IQCM: variants seen among roughly 807,000 people sequenced by gnomAD.
IQCM encodes IQ motif containing M.
Under a neutral mutation model 57.6 loss-of-function variants are expected in IQCM, and 45 were observed. The observed-to-expected ratio is 0.78, with a 90% CI of 0.62 to 1.00. IQCM has a LOEUF of 1.00. Ranked by LOEUF, IQCM falls within the 50% of genes least tolerant of loss-of-function variation. The pLI, the probability that IQCM is intolerant of heterozygous loss-of-function variation, is 0.00. For synonymous variants in IQCM, 148 were observed against 158.9 expected, an observed-to-expected ratio of 0.93 and a Z score of 0.51; for missense variants, 468 against 511.6, an observed-to-expected ratio of 0.91 and a Z score of 0.82.
intron 12 of IQCM, among the ~76,000 whole-genome samples, chr4:149,527,489 G>A (rs1281189381): frequency 6.6e-6 from 1 of 152,226 alleles, no homozygotes; most frequent in Non-Finnish European, 1.5e-5. Flanking sequence ...AAGTCAGGAA[G>A]AGAGTCCTCA....
chr4:149,478,619 G>A (rs927332243), intron 12 of IQCM, among the ~76,000 whole-genome samples: 2 of 152,124 alleles, frequency 1.3e-5, no homozygotes, highest in African/African-American at 4.8e-5. Context: ...TGGACTACCA[G>A]GAAACACACT....
At chr4:149,389,456 C>A (rs1321349536) in intron 13 of IQCM, among the ~76,000 whole-genome samples, 3 of 151,814 alleles carry the variant, frequency 2.0e-5, no homozygotes, top group African/African-American at 7.2e-5. Context: ...TTGGAACCAA[C>A]CCAAATGTCC....
rs141898067 is a variant in IQCM, at chr4:149,810,801, G to A, written c.-49+4510C>T. Among the ~76,000 whole-genome samples the A allele has an allele frequency of 8.6e-4, 131 of 152,182 alleles. 2 individuals are homozygous for A. The East Asian group carries it at 0.02, about 23-fold the overall frequency. ...AACATCACCTTTCACTCTCAAAACC[G>A]TCTGGATTTGGATTGGGTGATAAAT... On this transcript the variant is annotated intron_variant, in intron 2 of 13. Coordinates refer to ENST00000636793, the MANE Select transcript of IQCM (RefSeq NM_001363507.2).
rs560871964 is a variant in IQCM at position 149,373,402 on chromosome 4, G to T, written c.1391-21336C>A. ...GAATCAGACACCATATAAGCACTTTGCCTGTATTTTCTCATTTAACCTTGA... is the reference window on the plus strand; with the variant it reads ...GAATCAGACACCATATAAGCACTTTTCCTGTATTTTCTCATTTAACCTTGA... On this transcript the variant is annotated intron_variant, in intron 13 of 13. Coordinates refer to ENST00000636793, the MANE Select transcript of IQCM (RefSeq NM_001363507.2). Among the ~76,000 whole-genome samples the T allele has an allele frequency of 5.2e-4, 79 of 152,122 alleles. 1 individual carries two copies. Among genetic ancestry groups the T allele is most frequent in the South Asian group, 3.7e-3 (18 of 4,816 alleles).
chr4:149,739,749 A>G (rs1298185764), intron 3 of IQCM, among the ~76,000 whole-genome samples: 1 of 152,148 alleles, frequency 6.6e-6, no homozygotes, highest in Non-Finnish European at 1.5e-5. Context: ...TGCAAATACT[A>G]ACATTCCTAT....
intron 2 of IQCM, among the ~76,000 whole-genome samples, chr4:149,790,561 TC>T (rs1772504310): frequency 6.6e-6 from 1 of 152,182 alleles, no homozygotes; most frequent in Non-Finnish European, 1.5e-5. Context: ...CAATTTGGCT[TC>T]TTACATTAAT....
chr4:149,561,744 G>A (rs940031830), intron 10 of IQCM, among the ~76,000 whole-genome samples: 1 of 152,146 alleles, frequency 6.6e-6, no homozygotes, highest in African/African-American at 2.4e-5. Flanking sequence ...ATAGTCTGTG[G>A]TGCTATGAAT....
At chr4:149,495,782 A>C (rs181245421) in intron 12 of IQCM, among the ~76,000 whole-genome samples, 2 of 152,264 alleles carry the variant, frequency 1.3e-5, no homozygotes, top group East Asian at 3.9e-4. Flanking sequence ...AGAGAAGCCA[A>C]GAAAAGTTTG....
chr4:149,696,748 A>G (rs1196052165), intron 5 of IQCM, among the ~76,000 whole-genome samples: 7 of 152,088 alleles, frequency 4.6e-5, no homozygotes, highest in Non-Finnish European at 1.0e-4. Context: ...ATCAGGCTAG[A>G]TAGGTGCCAC....
intron 13 of IQCM, among the ~76,000 whole-genome samples, chr4:149,417,390 G>A (rs767829405): frequency 3.9e-5 from 6 of 152,052 alleles, no homozygotes; most frequent in South Asian, 2.1e-4. Flanking sequence ...ATGTCAGATC[G>A]GAAGTGAAGT....
chr4:149,745,977 A>G (rs1033388612), intron 2 of IQCM, among the ~76,000 whole-genome samples: 5 of 152,174 alleles, frequency 3.3e-5, no homozygotes, highest in Middle Eastern at 3.4e-3. Context: ...GTCTCAAAGA[A>G]AAGAAAAAGA....
intron 13 of IQCM, among the ~76,000 whole-genome samples, chr4:149,361,210 G>A (rs1285760811): frequency 6.6e-6 from 1 of 152,246 alleles, no homozygotes; most frequent in Non-Finnish European, 1.5e-5. Context: ...CATTCAAGAA[G>A]TGACTTGGGT....
intron 12 of IQCM, among the ~76,000 whole-genome samples, chr4:149,544,378 T>C (rs548085828): frequency 9.2e-5 from 14 of 152,256 alleles, no homozygotes; most frequent in Non-Finnish European, 1.8e-4. Context: ...ATCTGTACCC[T>C]GAAAACCATA....
At chr4:149,742,833 T>G in intron 2 of IQCM, 94 bp from the exon 3 acceptor site, 1 of 488,584 alleles carries the variant, frequency 2.0e-6, no homozygotes, top group South Asian at 1.1e-4. Context: ...GGTGAATGAT[T>G]AAAACTTTTT....
At chr4:149,505,245 C>T (rs1421850579) in intron 12 of IQCM, among the ~76,000 whole-genome samples, 1 of 152,062 alleles carries the variant, frequency 6.6e-6, no homozygotes, top group Non-Finnish European at 1.5e-5. Context: ...CGAAAGAAAA[C>T]AGAAATTGCT....
chr4:149,374,202 G>C (rs1018932089), intron 13 of IQCM, among the ~76,000 whole-genome samples: 1 of 152,080 alleles, frequency 6.6e-6, no homozygotes, highest in Non-Finnish European at 1.5e-5. Flanking sequence ...AGTCATTTCT[G>C]GAGGCCCAAA....
chr4:149,397,787 A>G (rs900505226), intron 13 of IQCM, among the ~76,000 whole-genome samples: 2 of 151,616 alleles, frequency 1.3e-5, no homozygotes, highest in Non-Finnish European at 2.9e-5. Flanking sequence ...TTATTTTGCT[A>G]TTGAGTTGTG....
chr4:149,601,790 G>A (rs987619665), intron 8 of IQCM, among the ~76,000 whole-genome samples: 2 of 152,050 alleles, frequency 1.3e-5, no homozygotes, highest in Admixed American at 1.3e-4. Context: ...CTGGCGCGGT[G>A]GCTCATGCCT....
chr4:149,435,801 C>CA (rs1481571582), intron 12 of IQCM, among the ~76,000 whole-genome samples: 1 of 150,938 alleles, frequency 6.6e-6, no homozygotes, highest in Non-Finnish European at 1.5e-5. Flanking sequence ...TAAAAAAAAA[C>CA]AAAAAATATA....
Sources: allele counts gnomAD v4.1 joint callset (sites outside exome capture counted in the v4.1 genomes callset), GRCh38; gene constraint gnomAD v4.1.1; transcripts MANE v1.5; gene names NCBI Gene and HGNC (gene_info 2026-07-23, HGNC 2026-07-21).